WDFY1: variants seen among roughly 807,000 people sequenced by gnomAD.
The protein encoded by WDFY1 is WD repeat and FYVE domain containing 1, also known as WD repeat and FYVE domain-containing protein 1.
Under a neutral mutation model 56.4 loss-of-function variants are expected in WDFY1, and 32 were observed. The observed-to-expected ratio is 0.57, with a 90% CI of 0.43 to 0.76. The LOEUF is 0.76. Ranked by LOEUF, WDFY1 falls within the 30% of genes least tolerant of loss-of-function variation. WDFY1 has a pLI of 0.00. For missense variants in WDFY1, 480 were observed against 545.7 expected (o/e 0.88, Z 1.20); for synonymous variants, 192 against 197.3 (o/e 0.97, Z 0.23).
rs1355958651 is a variant in WDFY1 at position 223,897,370 on chromosome 2, A to T, written c.598+1588T>A. Among the ~76,000 whole-genome samples the T allele has an allele frequency of 3.2e-4, 6 of 18,494 alleles. 1 individual carries two copies. The highest frequency in any genetic ancestry group is 6.9e-4 in the Admixed American group (1 of 1,440). The allele number at this position is 18,494 out of a possible 152,430, so 12.1% of individuals were successfully genotyped here. The stretch of plus-strand genomic sequence containing the variant: ...ATTTCGCATATATATATATATATAT[A>T]TATATATATATATATATATATTTTT... On this transcript the variant is annotated intron_variant, in intron 6 of 11. Transcript: ENST00000233055.
intron 4 of WDFY1, 55 bp from the exon 5 acceptor site, chr2:223,901,388 G>T: frequency 6.3e-7 from 1 of 1,598,450 alleles, no homozygotes; most frequent in East Asian, 2.2e-5. Flanking sequence ...ACTCTATGGG[G>T]AAGAACTGAG....
chr2:223,938,856 A>AT (rs10626915), intron 1 of WDFY1, among the ~76,000 whole-genome samples: 9,689 of 140,322 alleles, frequency 0.069, 729 homozygotes, highest in East Asian at 0.26. Flanking sequence ...TGTAAGCAGT[A>AT]TTTTTTTTTT....
intron 1 of WDFY1, among the ~76,000 whole-genome samples, chr2:223,924,991 T>G (rs939695916): frequency 5.9e-5 from 9 of 152,164 alleles, no homozygotes; most frequent in African/African-American, 1.9e-4. Flanking sequence ...ATTCCAGGCT[T>G]GGAAATTGGT....
At chr2:223,944,666 G>A (rs1689374932) in intron 1 of WDFY1, among the ~76,000 whole-genome samples, 1 of 151,062 alleles carries the variant, frequency 6.6e-6, no homozygotes, top group African/African-American at 2.4e-5. Flanking sequence ...AGAGGGGCGC[G>A]GTGGGACGGA....
chr2:223,891,081 A>G (rs984994474), intron 8 of WDFY1, among the ~76,000 whole-genome samples: 2 of 152,078 alleles, frequency 1.3e-5, no homozygotes, highest in African/African-American at 4.8e-5. Flanking sequence ...AGAAAGTCCT[A>G]TAAAACCCTA....
intron 3 of WDFY1, 32 bp from the exon 4 acceptor site, chr2:223,906,033 AAG>A: frequency 3.4e-6 from 5 of 1,487,806 alleles, no homozygotes; most frequent in Non-Finnish European, 4.5e-6. Flanking sequence ...AAAAAATTAA[AAG>A]AGTTATGGTT....
chr2:223,888,028 T>G (rs1287267297), intron 8 of WDFY1, among the ~76,000 whole-genome samples: 2 of 152,212 alleles, frequency 1.3e-5, no homozygotes, highest in Non-Finnish European at 2.9e-5. Flanking sequence ...ACATGCAACA[T>G]TTGTGGTCAG....
chr2:223,879,130 T>C (rs1693022070), intron 11 of WDFY1, among the ~76,000 whole-genome samples: 1 of 152,222 alleles, frequency 6.6e-6, no homozygotes, highest in African/African-American at 2.4e-5. Context: ...GAGGTTGCAC[T>C]GAACCGAGGT....
chr2:223,894,402 T>A (rs1186210616), intron 7 of WDFY1, 63 bp from the exon 8 acceptor site: 2 of 1,548,438 alleles, frequency 1.3e-6, no homozygotes, highest in Non-Finnish European at 1.8e-6. Flanking sequence ...ACTGTCTTCA[T>A]TTAGGCTCAA....
intron 1 of WDFY1, among the ~76,000 whole-genome samples, chr2:223,936,107 G>A (rs187772452): frequency 7.4e-6 from 1 of 134,602 alleles, no homozygotes; most frequent in Non-Finnish European, 1.5e-5. Flanking sequence ...TATTGCCCAA[G>A]CTGGAGGGCA....
chr2:223,945,243 C>T lies in WDFY1; in HGVS notation c.42G>A (p.Pro14=), dbSNP rs1689392218. The T allele has an allele frequency of 1.3e-6, 2 of 1,590,998 alleles. No individual in the cohort carries two copies. Among genetic ancestry groups the T allele is most frequent in the African/African-American group, 1.4e-5 (1 of 71,870 alleles). Residue 14 remains proline, a synonymous_variant, in exon 1 of 12, where the codon CCG becomes CCA. Coordinates refer to ENST00000233055, the MANE Select transcript of WDFY1 (RefSeq NM_020830.5). The part of the protein sequence containing the change: ...EIHSRPQSSR[P]VLLSKIEGHQ... ...GCCCCTCGATCTTGCTCAGCAGCACCGGGCGGCTGCTCTGCGGCCTGGAGT... is the reference window on the plus strand; with the variant it reads ...GCCCCTCGATCTTGCTCAGCAGCACTGGGCGGCTGCTCTGCGGCCTGGAGT...
In WDFY1 at chr2:223,929,851, C is replaced by G. The variant is rs539256371; in HGVS notation, c.138-11841G>C. Among the ~76,000 whole-genome samples the G allele has an allele frequency of 3.8e-3, 161 of 42,784 alleles. 1 individual carries two copies. Among genetic ancestry groups the G allele is most frequent in the African/African-American group, 7.8e-3 (154 of 19,678 alleles). 28.1% of individuals were successfully genotyped at this position (42,784 alleles called of 152,430 possible). A position where few individuals can be genotyped will look rare whatever the true frequency, so the allele number is the denominator to read the frequency against. On this transcript the variant is annotated intron_variant, in intron 1 of 11. Coordinates refer to ENST00000233055, the MANE Select transcript of WDFY1 (RefSeq NM_020830.5). ...TTCATTTAGTTGTTTGACCAACTTTCTCTCTTATCAAGATGGTGAAAGTTC... is the reference window on the plus strand; with the variant it reads ...TTCATTTAGTTGTTTGACCAACTTTGTCTCTTATCAAGATGGTGAAAGTTC...
chr2:223,931,780 G>T (rs1391099005), intron 1 of WDFY1, among the ~76,000 whole-genome samples: 1 of 151,708 alleles, frequency 6.6e-6, no homozygotes, highest in African/African-American at 2.4e-5. Flanking sequence ...CTGCCTCCCG[G>T]GTTCAAGCAA....
intron 9 of WDFY1, among the ~76,000 whole-genome samples, chr2:223,883,790 C>A (rs1455101058): frequency 6.6e-6 from 1 of 152,086 alleles, no homozygotes; most frequent in Admixed American, 6.6e-5. Context: ...GGATTACAGG[C>A]GTCCGCCACC....
Position 223,926,988 on chromosome 2 carries a change from A to C in WDFY1, c.138-8978T>G, listed in dbSNP as rs1434861877. On this transcript the variant is annotated intron_variant, in intron 1 of 11. Coordinates refer to ENST00000233055, the MANE Select transcript of WDFY1 (RefSeq NM_020830.5). The stretch of plus-strand genomic sequence containing the variant: ...CGGCCAACAAGCAATAATATTTTGA[A>C]AGGAATCTTTTTTTCTGAGCAGTAG... 3.3e-5 allele frequency among the ~76,000 whole-genome samples: 5 copies of C among 152,166 alleles called. No individual in the cohort carries two copies. The East Asian group carries it at 7.7e-4, about 23-fold the overall frequency.
chr2:223,933,346 A>ATT (rs35417214), intron 1 of WDFY1, among the ~76,000 whole-genome samples: 2,917 of 147,096 alleles, frequency 0.02, 41 homozygotes, highest in Middle Eastern at 0.038. Flanking sequence ...AAACCTGCAG[A>ATT]TTTTTTTTTT....
chr2:223,921,078 A>G (rs992841966), intron 1 of WDFY1, among the ~76,000 whole-genome samples: 8 of 152,226 alleles, frequency 5.3e-5, no homozygotes, highest in Admixed American at 1.3e-4. Context: ...CAATCAGAAG[A>G]GAGAAAACTT....
chr2:223,899,305 C>T (rs1693460224), intron 5 of WDFY1: 1 of 434,808 alleles, frequency 2.3e-6, no homozygotes, highest in African/African-American at 2.0e-5. Context: ...AGTTTATATT[C>T]ATTCATTCAA....
chr2:223,901,628 ATTTTT>A (rs149356094), intron 4 of WDFY1, among the ~76,000 whole-genome samples: 10 of 144,366 alleles, frequency 6.9e-5, no homozygotes, highest in African/African-American at 2.6e-4. Flanking sequence ...TAGAGAACAG[ATTTTT>A]TTTTTTTTTT....
Sources: allele counts gnomAD v4.1 joint callset (sites outside exome capture counted in the v4.1 genomes callset), GRCh38; gene constraint gnomAD v4.1.1; transcripts MANE v1.5; gene names NCBI Gene and HGNC (gene_info 2026-07-23, HGNC 2026-07-21).